Variants in LRIG3 observed in about 807,000 individuals in gnomAD.
LRIG3 encodes leucine-rich repeats and immunoglobulin-like domains protein 3.
In LRIG3, 76 loss-of-function variants were observed where a neutral mutation model predicts 114.5. The observed-to-expected ratio is 0.66, with a 90% CI of 0.55 to 0.80. LRIG3 has a LOEUF of 0.80. Among genes scored for constraint, LRIG3 ranks in the 30% least tolerant of loss-of-function variants. LRIG3 has a pLI of 0.00. For synonymous variants in LRIG3, 512 were observed against 519.8 expected, an observed-to-expected ratio of 0.98 and a Z score of 0.20; for missense variants, 1,239 against 1,382.8, an observed-to-expected ratio of 0.90 and a Z score of 1.65.
At chr12:58,878,002 C>T in intron 14 of LRIG3, 150 bp from the exon 15 acceptor site, 2 of 724,072 alleles carry the variant, frequency 2.8e-6, no homozygotes, top group Non-Finnish European at 4.4e-6. Flanking sequence ...TAAACATATA[C>T]AACATTCAGT....
chr12:58,896,540 C>T (rs1041320924), intron 3 of LRIG3, among the ~76,000 whole-genome samples: 9 of 152,264 alleles, frequency 5.9e-5, no homozygotes, highest in African/African-American at 1.9e-4. Context: ...ACCTAGTACA[C>T]GGATAACAGG....
chr12:58,910,700 G>A (rs989891134), intron 3 of LRIG3, among the ~76,000 whole-genome samples: 1 of 152,180 alleles, frequency 6.6e-6, no homozygotes, highest in African/African-American at 2.4e-5. Context: ...TAGGACACCA[G>A]GCAAGCATCT....
At chr12:58,876,707 A>G in intron 15 of LRIG3, 104 bp from the exon 16 acceptor site, 2 of 1,162,962 alleles carry the variant, frequency 1.7e-6, no homozygotes, top group East Asian at 5.0e-5. Flanking sequence ...GTATACATCA[A>G]ATTAGGGGAG....
At chr12:58,906,881 C>T (rs1872086959) in intron 3 of LRIG3, among the ~76,000 whole-genome samples, 1 of 151,628 alleles carries the variant, frequency 6.6e-6, no homozygotes, top group Admixed American at 6.6e-5. Context: ...ATGAAATGAC[C>T]TTTAGTACTA....
chr12:58,886,742 C>G, intron 9 of LRIG3, 68 bp downstream of exon 9: 1 of 1,291,946 alleles, frequency 7.7e-7, no homozygotes, highest in Non-Finnish European at 1.1e-6. Context: ...ACTTGTATAG[C>G]TGACTTCAGT....
chr12:58,889,972 T>A, intron 5 of LRIG3, 24 bp downstream of exon 5: 1 of 1,611,796 alleles, frequency 6.2e-7, no homozygotes, highest in Non-Finnish European at 8.5e-7. Flanking sequence ...TGAGAAACAG[T>A]ATCTAAGAGG....
At chr12:58,913,299 G>C (rs1872351839) in intron 3 of LRIG3, among the ~76,000 whole-genome samples, 1 of 152,128 alleles carries the variant, frequency 6.6e-6, no homozygotes, top group Non-Finnish European at 1.5e-5. Flanking sequence ...TTAAACCACA[G>C]GCATTCTAAA....
At chr12:58,881,502 C>G (rs1269692656) in intron 12 of LRIG3, among the ~76,000 whole-genome samples, 1 of 151,652 alleles carries the variant, frequency 6.6e-6, no homozygotes, top group African/African-American at 2.4e-5. Flanking sequence ...CAGCCTGGAG[C>G]TTTGAGCGGC....
chr12:58,917,343 T>C (rs1872514642), intron 1 of LRIG3, among the ~76,000 whole-genome samples: 1 of 152,244 alleles, frequency 6.6e-6, no homozygotes, highest in Non-Finnish European at 1.5e-5. Context: ...GTCTCTGGGC[T>C]AAATAACATT....
intron 16 of LRIG3, among the ~76,000 whole-genome samples, chr12:58,875,782 G>C (rs1037022615): frequency 1.3e-5 from 2 of 152,258 alleles, no homozygotes; most frequent in Admixed American, 6.5e-5. Flanking sequence ...GCTCACGCCT[G>C]TAATCCCAGC....
At chr12:58,894,988 G>C (rs533893931) in intron 3 of LRIG3, among the ~76,000 whole-genome samples, 2 of 152,178 alleles carry the variant, frequency 1.3e-5, no homozygotes, top group African/African-American at 2.4e-5. Context: ...GTTCCCTCAG[G>C]CTTCTAAGAG....
rs752724426 is a variant in LRIG3, at chr12:58,874,459, C to G, written c.2810G>C (p.Gly937Ala). 2.5e-6 allele frequency: 4 copies of G among 1,614,172 alleles called. No individual in the cohort carries two copies. The highest frequency in any genetic ancestry group is 2.5e-6 in the Non-Finnish European group (3 of 1,180,028). Residue 937 changes from glycine to alanine, a missense_variant, in exon 17 of 19, where the codon GGC becomes GCC. Gly to Ala is a moderately conservative substitution (Grantham distance 60). Coordinates refer to ENST00000320743, the MANE Select transcript of LRIG3 (RefSeq NM_153377.5). ...GPMYLKGNVY[G>A]SDPFETYHTG... ...ATGATATGTTTCAAAAGGATCTGAG[C>G]CATACACATTTCCCTTCAAATACAT...
chr12:58,877,914 G>A, intron 14 of LRIG3, 62 bp from the exon 15 acceptor site: 1 of 1,466,334 alleles, frequency 6.8e-7, no homozygotes, highest in African/African-American at 1.4e-5. Flanking sequence ...ATCATAAAAT[G>A]TAGCATTTAA....
chr12:58,908,930 C>T (rs1357538223), intron 3 of LRIG3, among the ~76,000 whole-genome samples: 1 of 152,124 alleles, frequency 6.6e-6, no homozygotes, highest in Non-Finnish European at 1.5e-5. Context: ...AAAATATAAA[C>T]AAAATTATTT....
intron 3 of LRIG3, among the ~76,000 whole-genome samples, chr12:58,893,540 G>C (rs1223391326): frequency 1.3e-5 from 2 of 152,102 alleles, no homozygotes; most frequent in Non-Finnish European, 2.9e-5. Context: ...CCCACATCTG[G>C]ATTTGCCTGT....
chr12:58,914,102 A>G (rs1476586461), intron 2 of LRIG3, 46 bp from the exon 3 acceptor site: 7 of 1,577,582 alleles, frequency 4.4e-6, no homozygotes, highest in Non-Finnish European at 6.0e-6. Context: ...TGATTAGGTA[A>G]TCTGTAATTC....
At chr12:58,888,703 A>G (rs2120910049) in intron 6 of LRIG3, 116 bp downstream of exon 6, 1 of 1,417,298 alleles carries the variant, frequency 7.1e-7, no homozygotes, top group Non-Finnish European at 9.6e-7. Context: ...TGACTTATAA[A>G]TAAGATTGTG....
At chr12:58,885,711 T>A in intron 10 of LRIG3, 120 bp downstream of exon 10, 1 of 524,220 alleles carries the variant, frequency 1.9e-6, no homozygotes, top group South Asian at 2.4e-5. Context: ...TTAAATATAT[T>A]TTATGGAACC....
intron 3 of LRIG3, among the ~76,000 whole-genome samples, chr12:58,893,596 G>A (rs1253821894): frequency 6.6e-6 from 1 of 152,192 alleles, no homozygotes; most frequent in Non-Finnish European, 1.5e-5. Flanking sequence ...TAATGCAAGT[G>A]AGACAATTAG....
Sources: allele counts gnomAD v4.1 joint callset (sites outside exome capture counted in the v4.1 genomes callset), GRCh38; gene constraint gnomAD v4.1.1; transcripts MANE v1.5; gene names NCBI Gene and HGNC (gene_info 2026-07-23, HGNC 2026-07-21).